Variants in GPRC5A observed in about 807,000 individuals in gnomAD.
GPRC5A encodes retinoic acid-induced protein 3.
In GPRC5A, 19 loss-of-function variants were observed where a neutral mutation model predicts 22.5. The observed-to-expected ratio is 0.85, with a 90% confidence interval of 0.59 to 1.24. The LOEUF (loss-of-function observed/expected upper bound fraction) is 1.24, where lower values mean the gene tolerates loss of function less well. Ranked by LOEUF, GPRC5A falls within the 50% of genes most tolerant of loss-of-function variation. The pLI is 0.00. For synonymous variants in GPRC5A, 192 were observed against 184.5 expected (o/e 1.04, Z -0.33); for missense variants, 471 against 451.1 (o/e 1.04, Z -0.40).
chr12:12,900,633 C>T (rs915920090), intron 1 of GPRC5A, among the ~76,000 whole-genome samples: 34 of 152,206 alleles, frequency 2.2e-4, no homozygotes, highest in African/African-American at 7.9e-4. Context: ...CACAGTGGCT[C>T]ACGCCTGTAA....
rs1864016154 is a variant in GPRC5A, at chr12:12,912,554, G to A, written c.*15G>A. On this transcript the variant is annotated 3_prime_UTR_variant, in exon 4 of 4. Transcript: ENST00000014914. ...AGGGCAGCTAACTCTGTCCTGAAGA[G>A]TGGGACAAATGCAGCCGGGCGGCAG... 6.7e-7 allele frequency: 1 copy of A among 1,484,164 alleles called. No homozygotes were observed. The highest frequency in any genetic ancestry group is 1.4e-5 in the African/African-American group (1 of 72,498). 91.9% of individuals were successfully genotyped at this position (1,484,164 alleles called of 1,614,324 possible). A position where few individuals can be genotyped will look rare whatever the true frequency, so the allele number is the denominator to read the frequency against.
intron 3 of GPRC5A, 56 bp from the exon 4 acceptor site, chr12:12,912,391 C>A: frequency 8.8e-7 from 1 of 1,136,166 alleles, no homozygotes; most frequent in Non-Finnish European, 1.3e-6. Flanking sequence ...GACTGGAGAC[C>A]TGTTGAAATG....
chr12:12,912,019 G>A, intron 2 of GPRC5A, 65 bp from the exon 3 acceptor site: 2 of 939,882 alleles, frequency 2.1e-6, no homozygotes, highest in Non-Finnish European at 3.5e-6. Context: ...TGTGATAAGT[G>A]ATACAATGGG....
At chr12:12,896,856 A>G (rs1445721510) in intron 1 of GPRC5A, among the ~76,000 whole-genome samples, 1 of 152,200 alleles carries the variant, frequency 6.6e-6, no homozygotes, top group Admixed American at 6.5e-5. Context: ...AATATATAAC[A>G]AAGATATGGA....
At chr12:12,900,533 T>C (rs543553666) in intron 1 of GPRC5A, among the ~76,000 whole-genome samples, 1 of 152,224 alleles carries the variant, frequency 6.6e-6, no homozygotes, top group African/African-American at 2.4e-5. Flanking sequence ...GCCCTCCTCT[T>C]CCTTTCCTCC....
chr12:12,908,492 C>T lies in GPRC5A; in HGVS notation c.243C>T (p.Leu81=), dbSNP rs1256544536. ...FLLGVLGIFG[L]TFAFIIGLDG... Reference sequence around the variant, plus strand: ...TGGGTGTGTTGGGCATCTTTGGCCTCACCTTCGCCTTCATCATCGGACTGG... The same window carrying T: ...TGGGTGTGTTGGGCATCTTTGGCCTTACCTTCGCCTTCATCATCGGACTGG... Residue 81 remains leucine, a synonymous_variant, in exon 2 of 4, where the codon CTC becomes CTT. Coordinates refer to ENST00000014914, the MANE Select transcript of GPRC5A (RefSeq NM_003979.4). The T allele has an allele frequency of 6.2e-7, 1 of 1,614,022 alleles. No individual in the cohort carries two copies. Among genetic ancestry groups the T allele is most frequent in the Admixed American group, 1.7e-5 (1 of 60,000 alleles).
intron 3 of GPRC5A, 72 bp downstream of exon 3, chr12:12,912,214 C>T (rs764278154): frequency 2.7e-5 from 31 of 1,128,290 alleles, no homozygotes; most frequent in South Asian, 1.2e-4. Context: ...TGGAAACAGA[C>T]GATGTTACCT....
intron 1 of GPRC5A, among the ~76,000 whole-genome samples, chr12:12,894,696 T>C (rs1404745511): frequency 6.6e-6 from 1 of 151,174 alleles, no homozygotes; most frequent in Non-Finnish European, 1.5e-5. Context: ...GGTGTAAGCC[T>C]CTGTACCCAG....
At position 12,908,074 on chromosome 12, in the gene GPRC5A, C is replaced by T. The variant is rs117513906; in HGVS notation, c.-7-169C>T. 3.9e-5 allele frequency among the ~76,000 whole-genome samples: 6 copies of T among 152,326 alleles called. No individual in the cohort carries two copies. In the East Asian group the frequency reaches 1.2e-3, roughly 29 times the overall value. On this transcript the variant is annotated intron_variant, in intron 1 of 3. Coordinates refer to ENST00000014914, the MANE Select transcript of GPRC5A (RefSeq NM_003979.4). ...CTTCAACAGGTTTTAGAATTTACTACAGGAGGTAGAGGAAAGTTAGTAGCT... is the reference window on the plus strand; with the variant it reads ...CTTCAACAGGTTTTAGAATTTACTATAGGAGGTAGAGGAAAGTTAGTAGCT...
chr12:12,895,854 G>C (rs1212417563), intron 1 of GPRC5A, among the ~76,000 whole-genome samples: 1 of 147,654 alleles, frequency 6.8e-6, no homozygotes, highest in East Asian at 2.0e-4. Flanking sequence ...TTAGCCGGGC[G>C]TGGTGGTGGG....
chr12:12,896,553 C>A (rs1474107066), intron 1 of GPRC5A, among the ~76,000 whole-genome samples: 1 of 152,146 alleles, frequency 6.6e-6, no homozygotes, highest in African/African-American at 2.4e-5. Context: ...TTAACATCAG[C>A]ACATATTCAT....
intron 3 of GPRC5A, 53 bp downstream of exon 3, chr12:12,912,195 C>T (rs769933275): frequency 1.6e-6 from 2 of 1,263,088 alleles, no homozygotes; most frequent in South Asian, 1.2e-5. Flanking sequence ...CTCAGGAACA[C>T]TGATCCTTTG....
chr12:12,912,649 G>A lies in GPRC5A; in HGVS notation c.*110G>A, dbSNP rs575847254. The A allele has an allele frequency of 3.8e-5, 27 of 704,668 alleles. No homozygotes were observed. The highest frequency in any genetic ancestry group is 2.9e-4 in the South Asian group (18 of 61,690). The allele number at this position is 704,668 out of a possible 1,614,324, so 43.7% of individuals were successfully genotyped here. A position where few individuals can be genotyped will look rare whatever the true frequency, so the allele number is the denominator to read the frequency against. On this transcript the variant is annotated 3_prime_UTR_variant, in exon 4 of 4. Transcript: ENST00000014914. ...CTGAGAAAACTGTACAAGACACTAC[G>A]GGAACAGTTTGCCTCCCTCCCAGCC... is the stretch of plus-strand genomic sequence containing the variant.
rs1257062280 is a variant in GPRC5A at position 12,915,959 on chromosome 12, G to A, written c.*3420G>A. 4.3e-6 allele frequency: 2 copies of A among 467,342 alleles called. No individual in the cohort carries two copies. Among genetic ancestry groups the A allele is most frequent in the Non-Finnish European group, 4.5e-6 (1 of 223,130 alleles). The allele number at this position is 467,342 out of a possible 1,614,324, so 28.9% of individuals were successfully genotyped here. A position where few individuals can be genotyped will look rare whatever the true frequency, so the allele number is the denominator to read the frequency against. Reference sequence around the variant, plus strand: ...CTGTCACCCCTCCTCCCACTGCTGCGGCTGTTAACTCATCTTCAGGTCTCA... The same window carrying A: ...CTGTCACCCCTCCTCCCACTGCTGCAGCTGTTAACTCATCTTCAGGTCTCA... On this transcript the variant is annotated 3_prime_UTR_variant, in exon 4 of 4. Transcript: ENST00000014914.
rs375779912 is a variant in GPRC5A, at chr12:12,917,253, CGTGCGT to C, written c.*4716_*4721del. 28,495 of 82,716 alleles carry C rather than the reference CGTGCGT, an allele frequency of 0.34. 2,942 individuals are homozygous for C. The highest frequency in any genetic ancestry group is 0.49 in the East Asian group (629 of 1,294). 5.1% of individuals were successfully genotyped at this position (82,716 alleles called of 1,614,324 possible). A position where few individuals can be genotyped will look rare whatever the true frequency, so the allele number is the denominator to read the frequency against. Reference sequence around the variant, plus strand: ...GTGTGTGTGTGTGTGTGTGTGTGTGCGTGCGTGCGTGTATGTGCGCCTGACCCTGAT... The same window carrying C: ...GTGTGTGTGTGTGTGTGTGTGTGTGCGCGTGTATGTGCGCCTGACCCTGAT... On this transcript the variant is annotated 3_prime_UTR_variant, in exon 4 of 4. Coordinates refer to ENST00000014914, the MANE Select transcript of GPRC5A (RefSeq NM_003979.4).
intron 1 of GPRC5A, among the ~76,000 whole-genome samples, chr12:12,901,548 T>G (rs1170637232): frequency 6.6e-6 from 1 of 152,056 alleles, no homozygotes. Context: ...CTGCCTCATC[T>G]ATTCTGGTTA....
At chr12:12,898,319 G>T (rs1863844772) in intron 1 of GPRC5A, among the ~76,000 whole-genome samples, 1 of 152,154 alleles carries the variant, frequency 6.6e-6, no homozygotes, top group Non-Finnish European at 1.5e-5. Context: ...GATCACCTGA[G>T]CCTCAGGAGT....
chr12:12,910,036 A>G (rs1863987174), intron 2 of GPRC5A, among the ~76,000 whole-genome samples: 1 of 151,708 alleles, frequency 6.6e-6, no homozygotes, highest in African/African-American at 2.4e-5. Flanking sequence ...TAAGCAAAAG[A>G]GGCTAAACTG....
At chr12:12,903,418 C>T (rs1863910239) in intron 1 of GPRC5A, among the ~76,000 whole-genome samples, 1 of 152,136 alleles carries the variant, frequency 6.6e-6, no homozygotes, top group Non-Finnish European at 1.5e-5. Flanking sequence ...GTAGCTGGGA[C>T]TACAAGTGTG....
Sources: gnomAD v4.1 joint callset for allele counts (sites outside exome capture counted in the v4.1 genomes callset) on GRCh38, gnomAD v4.1.1 for gene constraint, MANE v1.5 for transcripts, NCBI Gene and HGNC (gene_info 2026-07-23, HGNC 2026-07-21) for gene names.